Variants in TIGD1 observed in about 807,000 individuals in gnomAD.
TIGD1 encodes the protein tigger transposable element derived 1.
TIGD1 carries 20 observed loss-of-function variants against 21.3 expected under a neutral mutation model. The ratio of observed to expected loss-of-function variants is 0.94; its 90% confidence interval spans 0.66 to 1.36. The LOEUF is 1.36. TIGD1 is among the 40% of genes most tolerant of loss of function. The probability of loss-of-function intolerance (pLI) is 0.00; values close to 1 mark genes in which losing one functional copy is unlikely to be tolerated. For synonymous variants in TIGD1, 177 were observed against 123.2 expected (o/e 1.44, Z -2.89); for missense variants, 556 against 350.5 (o/e 1.59, Z -4.68).
Position 232,544,227 on chromosome 2 carries a change from A to C in TIGD1, c.*3880T>G. 1.3e-6 allele frequency: 1 copy of C among 757,692 alleles called. No homozygotes were observed. 46.9% of individuals were successfully genotyped at this position (757,692 alleles called of 1,614,324 possible). ...TTGGGGACCCAGGCTCGTGTCCAGTATAGAAAGCTTTACCAAGGCCACGTC... is the reference window on the plus strand; with the variant it reads ...TTGGGGACCCAGGCTCGTGTCCAGTCTAGAAAGCTTTACCAAGGCCACGTC... On this transcript the variant is annotated 3_prime_UTR_variant, in exon 1 of 1. Coordinates refer to ENST00000408957, the MANE Select transcript of TIGD1 (RefSeq NM_145702.4).
chr2:232,547,971 G>A lies in TIGD1; in HGVS notation c.*136C>T. On this transcript the variant is annotated 3_prime_UTR_variant, in exon 1 of 1. Transcript: ENST00000408957. ...ACACAAGAAAGCAAGTCACATGAAT[G>A]TTTTTGGTTTCCCAATGCATATAAA... is the stretch of plus-strand genomic sequence containing the variant. The A allele has an allele frequency of 2.2e-6, 1 of 444,650 alleles. No individual in the cohort carries two copies. The allele number at this position is 444,650 out of a possible 1,614,324, so 27.5% of individuals were successfully genotyped here.
rs1692256346 is a variant in TIGD1 at position 232,550,356 on chromosome 2, C to G, written c.-474G>C. On this transcript the variant is annotated 5_prime_UTR_variant, in exon 1 of 1. Transcript: ENST00000408957. The stretch of plus-strand genomic sequence containing the variant: ...AAAAGAGATACCAGAGAGTGCGTCC[C>G]GCACTGGAGGAAGAGGAAGGTTTTT... The G allele has an allele frequency of 2.4e-6, 1 of 416,126 alleles. No homozygotes were observed. The highest frequency in any genetic ancestry group is 4.6e-5 in the Admixed American group (1 of 21,918). The allele number at this position is 416,126 out of a possible 1,614,324, so 25.8% of individuals were successfully genotyped here.
At position 232,548,282 on chromosome 2, in the gene TIGD1, A is replaced by G. The variant is rs1218126114; in HGVS notation, c.1601T>C (p.Phe534Ser). Residue 534 changes from phenylalanine (F) to serine (S), a missense_variant, in exon 1 of 1, where the codon TTT (phenylalanine) becomes TCT (serine). Transcript: ENST00000408957. ...CATGAGTTGACTCTTCCTTTCATGA[A>G]AGATTTCTCTGTAGCATGCGATGCT... is the stretch of plus-strand genomic sequence containing the variant. ...SNSIACYREIFHERKSQLMRK... is the reference protein window; with the variant it reads ...SNSIACYREISHERKSQLMRK... The G allele has an allele frequency of 1.3e-6, 2 of 1,535,968 alleles. No homozygotes were observed. Among genetic ancestry groups the G allele is most frequent in the South Asian group, 2.4e-5 (2 of 82,248 alleles).
chr2:232,550,371 G>A lies in TIGD1; in HGVS notation c.-489C>T. On this transcript the variant is annotated 5_prime_UTR_variant, in exon 1 of 1. Coordinates refer to ENST00000408957, the MANE Select transcript of TIGD1 (RefSeq NM_145702.4). ...GAGTGCGTCCCGCACTGGAGGAAGA[G>A]GAAGGTTTTTACCAAGCAGCGAGTC... 4.5e-6 allele frequency: 2 copies of A among 445,084 alleles called. No individual in the cohort carries two copies. The highest frequency in any genetic ancestry group is 8.3e-6 in the Non-Finnish European group (2 of 241,692). 27.6% of individuals were successfully genotyped at this position (445,084 alleles called of 1,614,324 possible). A position where few individuals can be genotyped will look rare whatever the true frequency, so the allele number is the denominator to read the frequency against.
Position 232,548,902 on chromosome 2 carries a change from T to C in TIGD1, c.981A>G (p.Thr327=). 1.5e-6 allele frequency: 1 copy of C among 658,518 alleles called. No individual in the cohort carries two copies. The highest frequency in any genetic ancestry group is 1.6e-5 in the South Asian group (1 of 63,222). 40.8% of individuals were successfully genotyped at this position (658,518 alleles called of 1,614,324 possible). A position where few individuals can be genotyped will look rare whatever the true frequency, so the allele number is the denominator to read the frequency against. ...EINVIFMPAN[T]TSILQPMDQG... The stretch of plus-strand genomic sequence containing the variant: ...GATCCATGGGCTGCAGAATGGATGT[T>C]GTGTTAGCAGGCATGAAAATAACAT... The change falls in exon 1 of 1, where the codon ACA becomes ACG. Residue 327 remains threonine (T), a synonymous_variant. Coordinates refer to ENST00000408957, the MANE Select transcript of TIGD1 (RefSeq NM_145702.4).
chr2:232,548,474 A>G lies in TIGD1; in HGVS notation c.1409T>C (p.Phe470Ser), dbSNP rs1441648950. 1.5e-6 allele frequency: 1 copy of G among 676,314 alleles called. No homozygotes were observed. The highest frequency in any genetic ancestry group is 2.6e-6 in the Non-Finnish European group (1 of 379,698). 41.9% of individuals were successfully genotyped at this position (676,314 alleles called of 1,614,324 possible). The change falls in exon 1 of 1, where the codon TTT becomes TCT. Residue 470 changes from phenylalanine to serine, a missense_variant. Coordinates refer to ENST00000408957, the MANE Select transcript of TIGD1 (RefSeq NM_145702.4). ...ACCAGGTGTAGATTCCATCTCAAGA[A>G]ACCACTTTCTTTGCGCATCCATAAG... ...LFLMDAQRKW[F>S]LEMESTPGED...
Position 232,550,256 on chromosome 2 carries a change from T to A in TIGD1, c.-374A>T, listed in dbSNP as rs1275682290. The A allele has an allele frequency of 3.4e-6, 1 of 290,340 alleles. No individual in the cohort carries two copies. Among genetic ancestry groups the A allele is most frequent in the Non-Finnish European group, 6.8e-6 (1 of 148,092 alleles). 18.0% of individuals were successfully genotyped at this position (290,340 alleles called of 1,614,324 possible). A position where few individuals can be genotyped will look rare whatever the true frequency, so the allele number is the denominator to read the frequency against. On this transcript the variant is annotated 5_prime_UTR_variant, in exon 1 of 1. Coordinates refer to ENST00000408957, the MANE Select transcript of TIGD1 (RefSeq NM_145702.4). Reference sequence around the variant, plus strand: ...CCATTTGTTTTCAGAATGCCCTATCTGCGAAGCGTAATAAAACGAGGTATG... The same window carrying A: ...CCATTTGTTTTCAGAATGCCCTATCAGCGAAGCGTAATAAAACGAGGTATG...
chr2:232,550,283 C>G lies in TIGD1; in HGVS notation c.-401G>C, dbSNP rs1692254042. ...CGAAGCGTAATAAAACGAGGTATGC[C>G]ATAGTACAGTGGCGCCGCGACCGAC... is the stretch of plus-strand genomic sequence containing the variant. On this transcript the variant is annotated 5_prime_UTR_variant, in exon 1 of 1. The change abolishes an upstream ATG in the 5' untranslated region. Transcript: ENST00000408957. 1 of 324,110 alleles carries G rather than the reference C, an allele frequency of 3.1e-6. No homozygotes were observed. Among genetic ancestry groups the G allele is most frequent in the African/African-American group, 2.2e-5 (1 of 45,644 alleles). 20.1% of individuals were successfully genotyped at this position (324,110 alleles called of 1,614,324 possible). A position where few individuals can be genotyped will look rare whatever the true frequency, so the allele number is the denominator to read the frequency against.
rs1692081245 is a variant in TIGD1, at chr2:232,544,398, G to A, written c.*3709C>T. The A allele has an allele frequency of 6.8e-6, 11 of 1,613,364 alleles. No individual in the cohort carries two copies. The highest frequency in any genetic ancestry group is 1.7e-5 in the Admixed American group (1 of 60,004). ...CTGAGGCTCTTGCCCCAGCTGCTGA[G>A]GATGCACGTTCGCCCGCTGGCCCCG... On this transcript the variant is annotated 3_prime_UTR_variant, in exon 1 of 1. Coordinates refer to ENST00000408957, the MANE Select transcript of TIGD1 (RefSeq NM_145702.4).
In TIGD1 at chr2:232,545,106, G is replaced by T. The variant is rs1294962900; in HGVS notation, c.*3001C>A. On this transcript the variant is annotated 3_prime_UTR_variant, in exon 1 of 1. Coordinates refer to ENST00000408957, the MANE Select transcript of TIGD1 (RefSeq NM_145702.4). ...GAGGTCAGGAGTTTGAGACCAGCCT[G>T]GCCAACATGGCAAAACCCTATCTCT... 6.6e-6 allele frequency among the ~76,000 whole-genome samples: 1 copy of T among 152,100 alleles called. No homozygotes were observed. Among genetic ancestry groups the T allele is most frequent in the Non-Finnish European group, 1.5e-5 (1 of 68,016 alleles).
At position 232,544,993 on chromosome 2, in the gene TIGD1, G is replaced by GCATC; in HGVS notation, c.*3113_*3114insGATG. On this transcript the variant is annotated 3_prime_UTR_variant, in exon 1 of 1. Transcript: ENST00000408957. Reference sequence around the variant, plus strand: ...GGATGAGTGGGGTTGCCAAGATAGGGCAGTGGGATGGAAAAACATGAGGCC... The same window carrying GCATC: ...GGATGAGTGGGGTTGCCAAGATAGGGCATCCAGTGGGATGGAAAAACATGAGGCC... 1 of 1,540,152 alleles carries GCATC rather than the reference G, an allele frequency of 6.5e-7. No individual in the cohort carries two copies. Among genetic ancestry groups the GCATC allele is most frequent in the Non-Finnish European group, 8.9e-7 (1 of 1,123,006 alleles).
Position 232,544,330 on chromosome 2 carries a change from T to G in TIGD1, c.*3777A>C, listed in dbSNP as rs1370323579. The G allele has an allele frequency of 6.6e-7, 1 of 1,519,330 alleles. No individual in the cohort carries two copies. Among genetic ancestry groups the G allele is most frequent in the African/African-American group, 1.4e-5 (1 of 73,126 alleles). 94.1% of individuals were successfully genotyped at this position (1,519,330 alleles called of 1,614,324 possible). A position where few individuals can be genotyped will look rare whatever the true frequency, so the allele number is the denominator to read the frequency against. The stretch of plus-strand genomic sequence containing the variant: ...CAACCTCTGGCTTCTGCTCTGAAGC[T>G]CGGCCTGCTGCCCTAGTGAAGCCAC... On this transcript the variant is annotated 3_prime_UTR_variant, in exon 1 of 1. Coordinates refer to ENST00000408957, the MANE Select transcript of TIGD1 (RefSeq NM_145702.4).
At position 232,548,884 on chromosome 2, in the gene TIGD1, G is replaced by C. The variant is rs1286613748; in HGVS notation, c.999C>G (p.Pro333=). Residue 333 remains proline, a synonymous_variant, in exon 1 of 1, where the codon CCC becomes CCG. Coordinates refer to ENST00000408957, the MANE Select transcript of TIGD1 (RefSeq NM_145702.4). ...AGGTCGAAATTACCCCTTGATCCAT[G>C]GGCTGCAGAATGGATGTTGTGTTAG... ...MPANTTSILQ[P]MDQGVISTFK... 1.5e-6 allele frequency: 1 copy of C among 646,324 alleles called. No individual in the cohort carries two copies. The highest frequency in any genetic ancestry group is 1.8e-5 in the African/African-American group (1 of 56,106). 40.0% of individuals were successfully genotyped at this position (646,324 alleles called of 1,614,324 possible).
In TIGD1 at chr2:232,545,702, C is replaced by A; in HGVS notation, c.*2405G>T. ...CCCTGGAGATCCACGCCCCTACCTGCCCTCACCAGACTGAGCCAACCAACC... is the reference window on the plus strand; with the variant it reads ...CCCTGGAGATCCACGCCCCTACCTGACCTCACCAGACTGAGCCAACCAACC... On this transcript the variant is annotated 3_prime_UTR_variant, in exon 1 of 1. Transcript: ENST00000408957. The A allele has an allele frequency of 6.2e-7, 1 of 1,614,174 alleles. No individual in the cohort carries two copies. Among genetic ancestry groups the A allele is most frequent in the East Asian group, 2.2e-5 (1 of 44,888 alleles).
rs1320314026 is a variant in TIGD1 at position 232,546,003 on chromosome 2, T to C, written c.*2104A>G. 3.7e-6 allele frequency: 2 copies of C among 543,796 alleles called. No individual in the cohort carries two copies. The highest frequency in any genetic ancestry group is 2.0e-5 in the South Asian group (1 of 50,736). The allele number at this position is 543,796 out of a possible 1,614,324, so 33.7% of individuals were successfully genotyped here. ...CTCCACTCAGTGCACTCCCCTCACT[T>C]AGGCAAAGCATTATTCATTCCCATC... On this transcript the variant is annotated 3_prime_UTR_variant, in exon 1 of 1. Transcript: ENST00000408957.
At position 232,549,678 on chromosome 2, in the gene TIGD1, T is replaced by A. The variant is rs1030388513; in HGVS notation, c.205A>T (p.Thr69Ser). 1 of 734,928 alleles carries A rather than the reference T, an allele frequency of 1.4e-6. No individual in the cohort carries two copies. Among genetic ancestry groups the A allele is most frequent in the Non-Finnish European group, 2.5e-6 (1 of 402,352 alleles). The allele number at this position is 734,928 out of a possible 1,614,324, so 45.5% of individuals were successfully genotyped here. Residue 69 changes from threonine to serine, a missense_variant, in exon 1 of 1, where the codon ACA becomes TCA. Thr to Ser is a moderately conservative substitution (Grantham distance 58). Coordinates refer to ENST00000408957, the MANE Select transcript of TIGD1 (RefSeq NM_145702.4). ...CTGTTTCGCTTTCTTATCATTCGTG[T>A]GTTCATTGGAGTAGCACTTTTAACT... is the stretch of plus-strand genomic sequence containing the variant. Reference protein sequence around the residue: ...KEVKSATPMNTRMIRKRNSLI... With the variant: ...KEVKSATPMNSRMIRKRNSLI...
At position 232,548,393 on chromosome 2, in the gene TIGD1, T is replaced by G; in HGVS notation, c.1490A>C (p.Asn497Thr). The change falls in exon 1 of 1, where the codon AAC (asparagine) becomes ACC (threonine). Residue 497 changes from asparagine (N) to threonine (T), a missense_variant. Coordinates refer to ENST00000408957, the MANE Select transcript of TIGD1 (RefSeq NM_145702.4). ...CCCTGCTGCTGCTTTATCAACTAAG[T>G]TTATGTAATATTCTAAATCCTTTGT... ...MTTKDLEYYINLVDKAAAGFE... is the reference protein window; with the variant it reads ...MTTKDLEYYITLVDKAAAGFE... 3.7e-6 allele frequency: 3 copies of G among 812,440 alleles called. No individual in the cohort carries two copies. The East Asian group carries it at 7.9e-5, about 21-fold the overall frequency. 50.3% of individuals were successfully genotyped at this position (812,440 alleles called of 1,614,324 possible).
chr2:232,545,464 G>A lies in TIGD1; in HGVS notation c.*2643C>T. ...AGGAAATGGAGACATGGGCCTGCTG[G>A]AAGCCCAAGGATGAGAACAGGACCC... On this transcript the variant is annotated 3_prime_UTR_variant, in exon 1 of 1. Transcript: ENST00000408957. 7.7e-7 allele frequency: 1 copy of A among 1,307,042 alleles called. No individual in the cohort carries two copies. The highest frequency in any genetic ancestry group is 1.1e-6 in the Non-Finnish European group (1 of 929,426). 81.0% of individuals were successfully genotyped at this position (1,307,042 alleles called of 1,614,324 possible). A position where few individuals can be genotyped will look rare whatever the true frequency, so the allele number is the denominator to read the frequency against.
chr2:232,545,716 A>G lies in TIGD1; in HGVS notation c.*2391T>C. 1 of 1,614,106 alleles carries G rather than the reference A, an allele frequency of 6.2e-7. No individual in the cohort carries two copies. Among genetic ancestry groups the G allele is most frequent in the Non-Finnish European group, 8.5e-7 (1 of 1,180,032 alleles). Reference sequence around the variant, plus strand: ...GCCCCTACCTGCCCTCACCAGACTGAGCCAACCAACCACTGTGGGGCATGT... The same window carrying G: ...GCCCCTACCTGCCCTCACCAGACTGGGCCAACCAACCACTGTGGGGCATGT... On this transcript the variant is annotated 3_prime_UTR_variant, in exon 1 of 1. Transcript: ENST00000408957.
Sources: allele counts gnomAD v4.1 joint callset (sites outside exome capture counted in the v4.1 genomes callset), GRCh38; gene constraint gnomAD v4.1.1; transcripts MANE v1.5; gene names NCBI Gene and HGNC (gene_info 2026-07-23, HGNC 2026-07-21).